CFDP1: variants seen among roughly 807,000 people sequenced by gnomAD.
The protein encoded by CFDP1 is heterochromatin-stabilizing protein CFDP1.
Under a neutral mutation model 40.1 loss-of-function variants are expected in CFDP1, and 31 were observed. That is an observed-to-expected ratio of 0.77 (90% CI 0.58 to 1.04). The LOEUF is 1.04. Ranked by LOEUF, CFDP1 falls within the 50% of genes least tolerant of loss-of-function variation. CFDP1 has a pLI of 0.00. For synonymous variants in CFDP1, 167 were observed against 120.0 expected, an observed-to-expected ratio of 1.39 and a Z score of -2.56; for missense variants, 423 against 343.4, an observed-to-expected ratio of 1.23 and a Z score of -1.83.
At chr16:75,347,965 G>C (rs2078581506) in intron 5 of CFDP1, among the ~76,000 whole-genome samples, 1 of 152,118 alleles carries the variant, frequency 6.6e-6, no homozygotes, top group Non-Finnish European at 1.5e-5. Context: ...TATAGGCTGA[G>C]AAACTGTCAT....
chr16:75,420,376 A>G (rs1361258831), intron 1 of CFDP1, among the ~76,000 whole-genome samples: 1 of 152,220 alleles, frequency 6.6e-6, no homozygotes, highest in Non-Finnish European at 1.5e-5. Context: ...CCCATCAAGC[A>G]TTTAGATCTA....
chr16:75,367,401 C>T (rs2078722276), intron 5 of CFDP1, among the ~76,000 whole-genome samples: 1 of 147,230 alleles, frequency 6.8e-6, no homozygotes, highest in Non-Finnish European at 1.5e-5. Context: ...TGTAACAAAC[C>T]TGCACATTCT....
intron 1 of CFDP1, chr16:75,418,983 T>C (rs1223732084): frequency 3.5e-6 from 1 of 285,848 alleles, no homozygotes; most frequent in East Asian, 9.8e-5. Flanking sequence ...CTATAAAAGA[T>C]TTTTAAAAAA....
chr16:75,398,744 A>G (rs940916313), intron 4 of CFDP1, among the ~76,000 whole-genome samples: 7 of 151,882 alleles, frequency 4.6e-5, no homozygotes, highest in Non-Finnish European at 1.0e-4. Flanking sequence ...CAGCTCTGGC[A>G]TCAGACGTGG....
intron 5 of CFDP1, among the ~76,000 whole-genome samples, chr16:75,335,967 C>T (rs181254281): frequency 1.3e-5 from 2 of 152,220 alleles, no homozygotes; most frequent in Admixed American, 6.5e-5. Context: ...AAATAGATGA[C>T]TGACTTCAAA....
At chr16:75,363,488 T>C (rs577518843) in intron 5 of CFDP1, among the ~76,000 whole-genome samples, 1 of 151,852 alleles carries the variant, frequency 6.6e-6, no homozygotes, top group African/African-American at 2.4e-5. Context: ...CTCTGCCTCC[T>C]GGGTTCAAGG....
chr16:75,310,665 T>C (rs1298944093), intron 5 of CFDP1, among the ~76,000 whole-genome samples: 1 of 152,202 alleles, frequency 6.6e-6, no homozygotes. Context: ...TCCAACCGAT[T>C]TATTTTGTAG....
At chr16:75,419,736 G>A (rs919166461) in intron 1 of CFDP1, among the ~76,000 whole-genome samples, 2 of 152,088 alleles carry the variant, frequency 1.3e-5, no homozygotes, top group South Asian at 2.1e-4. Context: ...CAAAACCAGC[G>A]CCATGACAGC....
At chr16:75,316,930 G>A (rs1209903878) in intron 5 of CFDP1, among the ~76,000 whole-genome samples, 2 of 152,100 alleles carry the variant, frequency 1.3e-5, no homozygotes, top group Non-Finnish European at 2.9e-5. Flanking sequence ...GTGGTGAGGC[G>A]AGATCGCACC....
chr16:75,411,526 C>G (rs530015092), intron 4 of CFDP1, among the ~76,000 whole-genome samples: 32 of 152,156 alleles, frequency 2.1e-4, no homozygotes, highest in Non-Finnish European at 4.3e-4. Flanking sequence ...TAAAGGGAGA[C>G]ATGACTTACC....
In CFDP1 at chr16:75,422,584, G is replaced by A. The variant is rs376706440; in HGVS notation, c.65-7889C>T. On this transcript the variant is annotated intron_variant, in intron 1 of 6. Coordinates refer to ENST00000283882, the MANE Select transcript of CFDP1 (RefSeq NM_006324.3). The stretch of plus-strand genomic sequence containing the variant: ...TGATTTTTGCATTTTTGGTAGAGAC[G>A]GGGTTTCACCATGTTCGTCAGACTA... Among the ~76,000 whole-genome samples the A allele has an allele frequency of 2.7e-3, 407 of 151,264 alleles. 3 individuals carry two copies. Among genetic ancestry groups the A allele is most frequent in the South Asian group, 9.6e-3 (46 of 4,780 alleles).
chr16:75,421,507 C>T (rs1052830377), intron 1 of CFDP1, among the ~76,000 whole-genome samples: 1 of 152,152 alleles, frequency 6.6e-6, no homozygotes, highest in African/African-American at 2.4e-5. Flanking sequence ...ACAATGTAGG[C>T]ACAAAAGGAA....
intron 5 of CFDP1, among the ~76,000 whole-genome samples, chr16:75,314,257 A>G (rs903304774): frequency 6.6e-6 from 1 of 152,200 alleles, no homozygotes; most frequent in Non-Finnish European, 1.5e-5. Flanking sequence ...TGGCAGTAAG[A>G]TAAGTTACTT....
intron 1 of CFDP1, among the ~76,000 whole-genome samples, chr16:75,426,751 CA>C (rs1331738933): frequency 5.3e-5 from 8 of 152,016 alleles, no homozygotes; most frequent in African/African-American, 1.9e-4. Context: ...CAAAACACTG[CA>C]AAACAAGTAT....
chr16:75,353,053 T>C (rs564790456), intron 5 of CFDP1, among the ~76,000 whole-genome samples: 3 of 152,188 alleles, frequency 2.0e-5, no homozygotes, highest in Admixed American at 6.5e-5. Context: ...GTGGGCAACA[T>C]CCTCAGTTTC....
At chr16:75,340,423 T>C (rs1301091215) in intron 5 of CFDP1, among the ~76,000 whole-genome samples, 1 of 152,224 alleles carries the variant, frequency 6.6e-6, no homozygotes, top group Admixed American at 6.5e-5. Context: ...GTTAATAACA[T>C]TTATTTACAG....
intron 5 of CFDP1, among the ~76,000 whole-genome samples, chr16:75,309,936 C>A (rs2078285433): frequency 6.7e-6 from 1 of 149,622 alleles, no homozygotes; most frequent in South Asian, 2.2e-4. Context: ...TCTGCTTTAA[C>A]AGACCACTCT....
chr16:75,371,224 AT>A (rs1417305243), intron 5 of CFDP1, among the ~76,000 whole-genome samples: 1 of 152,254 alleles, frequency 6.6e-6, no homozygotes, highest in Non-Finnish European at 1.5e-5. Flanking sequence ...TGCCAGTAGC[AT>A]CCCCTGCCTT....
intron 5 of CFDP1, among the ~76,000 whole-genome samples, chr16:75,354,243 A>G (rs548803551): frequency 1.3e-5 from 2 of 152,338 alleles, no homozygotes; most frequent in Admixed American, 6.5e-5. Flanking sequence ...TTTTCAACGT[A>G]TATTTTCAAC....
Sources: allele counts gnomAD v4.1 joint callset (sites outside exome capture counted in the v4.1 genomes callset), GRCh38; gene constraint gnomAD v4.1.1; transcripts MANE v1.5; gene names NCBI Gene and HGNC (gene_info 2026-07-23, HGNC 2026-07-21).